Variants in NAV3 observed in about 807,000 individuals in gnomAD.
The protein encoded by NAV3 is pore membrane and/or filament interacting like protein 1.
A neutral mutation model predicts 244.7 loss-of-function variants in NAV3; 87 were observed. The ratio of observed to expected loss-of-function variants is 0.36; its 90% CI spans 0.30 to 0.42. NAV3 has a LOEUF of 0.42. NAV3 is among the 20% of genes least tolerant of loss of function. The pLI is 1.00. For synonymous variants in NAV3, 1,126 were observed against 1,042.2 expected (o/e 1.08, Z -1.55); for missense variants, 2,663 against 2,893.3 (o/e 0.92, Z 1.83).
intron 12 of NAV3, among the ~76,000 whole-genome samples, chr12:78,114,426 A>G (rs1295320653): frequency 3.3e-5 from 5 of 152,208 alleles, no homozygotes; most frequent in Admixed American, 3.3e-4. Context: ...AAGAGGTTTA[A>G]TTGACTCACA....
chr12:77,781,475 A>G (rs577674922), intron 2 of NAV3, among the ~76,000 whole-genome samples: 2 of 152,292 alleles, frequency 1.3e-5, no homozygotes, highest in African/African-American at 4.8e-5. Context: ...TGCCAAGCAG[A>G]AAGTCTTTAA....
At chr12:78,139,491 C>G (rs1565709330) in intron 19 of NAV3, among the ~76,000 whole-genome samples, 1 of 152,110 alleles carries the variant, frequency 6.6e-6, no homozygotes, top group Non-Finnish European at 1.5e-5. Context: ...CGTTCATACT[C>G]AACTAATGTT....
At chr12:77,599,616 G>GAT (rs1305419606) in intron 2 of NAV3, among the ~76,000 whole-genome samples, 3 of 151,574 alleles carry the variant, frequency 2.0e-5, no homozygotes, top group Non-Finnish European at 4.4e-5. Flanking sequence ...GGTTAGTAGA[G>GAT]ATATATATAT....
intron 8 of NAV3, among the ~76,000 whole-genome samples, chr12:78,018,083 G>A (rs1055172152): frequency 7.2e-5 from 11 of 152,066 alleles, no homozygotes; most frequent in African/African-American, 2.4e-4. Context: ...TTCTTTCATC[G>A]ATCAATCTAT....
At chr12:77,833,372 G>A (rs1874055527) in intron 1 of NAV3, among the ~76,000 whole-genome samples, 3 of 152,154 alleles carry the variant, frequency 2.0e-5, no homozygotes, top group Non-Finnish European at 2.9e-5. Flanking sequence ...GAAGGATTCA[G>A]TTAAGTTTGT....
At chr12:78,137,063 C>T (rs1198395313) in intron 18 of NAV3, 114 bp from the exon 19 acceptor site, 1 of 912,488 alleles carries the variant, frequency 1.1e-6, no homozygotes, top group Non-Finnish European at 1.6e-6. Context: ...AATAGGGACT[C>T]ACTATACATT....
rs1873715536 is a variant in NAV3 at position 77,831,640 on chromosome 12, C to A, written c.179C>A (p.Ser60Ter). The A allele has an allele frequency of 6.2e-7, 1 of 1,613,952 alleles. No individual in the cohort carries two copies. Among genetic ancestry groups the A allele is most frequent in the South Asian group, 1.1e-5 (1 of 91,026 alleles). Residue 60 changes from serine (S) to a stop codon, truncating the protein, a stop_gained, in exon 1 of 40, where the codon TCA becomes TAA. Coordinates refer to ENST00000397909, the MANE Select transcript of NAV3 (RefSeq NM_001024383.2). LOFTEE classifies it high-confidence loss of function. ...CTTTCTTGTCAGCTTGCGTTAAAAT[C>A]AACCTGTGAATTTGGAGAGAAGAAA... Reference protein sequence around the residue: ...SMLSCQLALKSTCEFGEKKPL... With the variant: ...SMLSCQLALK
At chr12:77,617,661 TGG>T (rs1194076010) in intron 2 of NAV3, among the ~76,000 whole-genome samples, 3 of 152,096 alleles carry the variant, frequency 2.0e-5, no homozygotes, top group Non-Finnish European at 4.4e-5. Context: ...AATTCTGCGT[TGG>T]GGCTTTTAAG....
intron 2 of NAV3, among the ~76,000 whole-genome samples, chr12:77,757,233 T>C (rs1325917824): frequency 1.3e-5 from 2 of 152,182 alleles, no homozygotes; most frequent in Non-Finnish European, 2.9e-5. Flanking sequence ...GGGAGGCACA[T>C]GTTTCATGTC....
intron 1 of NAV3, among the ~76,000 whole-genome samples, chr12:77,846,084 G>C (rs1265824450): frequency 6.6e-6 from 1 of 152,298 alleles, no homozygotes; most frequent in Middle Eastern, 3.4e-3. Flanking sequence ...AGATTGGAGA[G>C]GAAAGGGATA....
intron 1 of NAV3, among the ~76,000 whole-genome samples, chr12:77,866,442 G>A (rs770159): frequency 0.4 from 60,731 of 151,962 alleles, 12,826 homozygotes; most frequent in Middle Eastern, 0.5. Context: ...CTATGCAGCC[G>A]CAGAGGTAAC....
At chr12:78,117,820 T>C (rs1220609003) in intron 13 of NAV3, among the ~76,000 whole-genome samples, 2 of 152,162 alleles carry the variant, frequency 1.3e-5, no homozygotes, top group Non-Finnish European at 2.9e-5. Flanking sequence ...TAGCGTTTAA[T>C]TGGTGTTTTC....
intron 30 of NAV3, among the ~76,000 whole-genome samples, chr12:78,184,493 A>G (rs1201647305): frequency 6.6e-6 from 1 of 151,836 alleles, no homozygotes; most frequent in African/African-American, 2.4e-5. Flanking sequence ...ATTATCTTTG[A>G]TGATTTAAAA....
At chr12:77,647,740 A>G (rs1872664763) in intron 2 of NAV3, among the ~76,000 whole-genome samples, 1 of 152,110 alleles carries the variant, frequency 6.6e-6, no homozygotes, top group African/African-American at 2.4e-5. Context: ...TTATAGATGT[A>G]CCATTTTTTC....
At chr12:77,900,145 C>T (rs561135553) in intron 1 of NAV3, among the ~76,000 whole-genome samples, 5 of 149,892 alleles carry the variant, frequency 3.3e-5, no homozygotes, top group South Asian at 2.1e-4. Flanking sequence ...GGCACGATCT[C>T]GGCTCACTGC....
intron 22 of NAV3, among the ~76,000 whole-genome samples, chr12:78,152,552 A>T (rs1422547052): frequency 6.6e-6 from 1 of 151,842 alleles, no homozygotes; most frequent in African/African-American, 2.4e-5. Context: ...GTCATTTTAG[A>T]TTTCATGCAT....
At chr12:77,887,165 G>C (rs1352566492) in intron 1 of NAV3, among the ~76,000 whole-genome samples, 1 of 152,116 alleles carries the variant, frequency 6.6e-6, no homozygotes, top group Non-Finnish European at 1.5e-5. Context: ...GGTAAGAAAG[G>C]GAGAGAGTGA....
intron 1 of NAV3, among the ~76,000 whole-genome samples, chr12:77,852,163 G>T (rs937646328): frequency 6.6e-6 from 1 of 152,226 alleles, no homozygotes; most frequent in Non-Finnish European, 1.5e-5. Flanking sequence ...AGTAGGGATA[G>T]ATGTGGCCTG....
At position 77,740,443 on chromosome 12, in the gene NAV3, A is replaced by G. The variant is rs538679230; in HGVS notation, c.72+168177A>G. On this transcript the variant is annotated intron_variant, in intron 2 of 8. Transcript: ENST00000550042. ...ATTGAAGGAAACCTGATTTTGAAAA[A>G]AAAAAATCCATAGGAAAAAATGTGT... 3.3e-5 allele frequency among the ~76,000 whole-genome samples: 5 copies of G among 152,262 alleles called. No homozygotes were observed. In the South Asian group the frequency reaches 8.3e-4, roughly 25 times the overall value.
Sources: gnomAD v4.1 joint callset for allele counts (sites outside exome capture counted in the v4.1 genomes callset) on GRCh38, gnomAD v4.1.1 for gene constraint, MANE v1.5 for transcripts, NCBI Gene and HGNC (gene_info 2026-07-23, HGNC 2026-07-21) for gene names.